Variants in MYH7 observed in about 807,000 individuals in gnomAD.
MYH7 encodes myosin-7.
A neutral mutation model predicts 225.4 loss-of-function variants in MYH7; 129 were observed. That is an observed-to-expected ratio of 0.57 (90% CI 0.50 to 0.66). MYH7 has a LOEUF of 0.66. Among genes scored for constraint, MYH7 ranks in the 30% least tolerant of loss-of-function variants. The probability of loss-of-function intolerance (pLI) is 0.00; values close to 1 mark genes in which losing one functional copy is unlikely to be tolerated. For synonymous variants in MYH7, 971 were observed against 1,007.6 expected (o/e 0.96, Z 0.69); for missense variants, 1,649 against 2,517.0 (o/e 0.66, Z 7.38).
At chr14:23,418,123 C>T (rs920569364) in intron 30 of MYH7, 87 bp downstream of exon 30, 3 of 1,589,984 alleles carry the variant, frequency 1.9e-6, no homozygotes, top group African/African-American at 1.3e-5. Context: ...CTAAGCATCG[C>T]CTGTGTGGGA....
chr14:23,422,189 C>T lies in MYH7; in HGVS notation c.3236G>A (p.Arg1079Gln), dbSNP rs727504342. The T allele has an allele frequency of 1.6e-5, 26 of 1,612,834 alleles. No homozygotes were observed. Among genetic ancestry groups the T allele is most frequent in the East Asian group, 2.2e-5 (1 of 44,876 alleles). ...LENDKQQLDERLKKKDFELNA... is the reference protein window; with the variant it reads ...LENDKQQLDEQLKKKDFELNA... ...GGAGGGGACACAGTACTTTTTCAGC[C>T]GCTCATCCAGCTGCTGCTTGTCATT... is the stretch of plus-strand genomic sequence containing the variant. Residue 1079 changes from arginine to glutamine, a missense_variant, in exon 25 of 40, where the codon CGG (arginine) becomes CAG (glutamine). Arg to Gln is a conservative substitution (Grantham distance 43). Around this residue, in one of 12 missense-constraint regions of MYH7, gnomAD observed 282 missense variants for 315.3 expected, o/e 0.89. Coordinates refer to ENST00000355349, the MANE Select transcript of MYH7 (RefSeq NM_000257.4).
intron 24 of MYH7, 127 bp downstream of exon 24, chr14:23,423,420 T>C (rs1595080987): frequency 7.7e-7 from 1 of 1,305,082 alleles, no homozygotes; most frequent in South Asian, 1.2e-5. Context: ...CCTACCCCCC[T>C]CTAAACATAA....
At chr14:23,421,679 C>T (rs1374881390) in intron 25 of MYH7, 14 of 894,236 alleles carry the variant, frequency 1.6e-5, no homozygotes, top group South Asian at 5.1e-5. Flanking sequence ...TTTACCAAGT[C>T]TGGAAAGTCT....
intron 22 of MYH7, 112 bp downstream of exon 22, chr14:23,424,657 A>C: frequency 6.4e-7 from 1 of 1,564,962 alleles, no homozygotes; most frequent in Non-Finnish European, 8.7e-7. Context: ...TTGATCCCAG[A>C]GTCCTCTGAC....
chr14:23,425,123 C>A lies in MYH7; in HGVS notation c.2424-99G>T, dbSNP rs1892643939. On this transcript the variant is annotated intron_variant, in intron 21 of 39. Transcript: ENST00000355349. This position sits in a 1 kb window ranked among gnomAD's most constrained non-coding sequence, Gnocchi z 4.6. ...ATCCCATTTCCTTCATCCCTCCCAC[C>A]CTTCCTGAGGCCTCTGACCCTGTGA... is the stretch of plus-strand genomic sequence containing the variant. The A allele has an allele frequency of 2.5e-6, 4 of 1,606,196 alleles. No homozygotes were observed. The highest frequency in any genetic ancestry group is 3.4e-6 in the Non-Finnish European group (4 of 1,174,604).
intron 11 of MYH7, 78 bp from the exon 12 acceptor site, chr14:23,429,991 G>T (rs1892862805): frequency 1.3e-6 from 2 of 1,554,256 alleles, no homozygotes; most frequent in African/African-American, 2.7e-5. Context: ...AAGTTGGAGA[G>T]AAAACTTGTC....
chr14:23,417,909 C>T, intron 30 of MYH7: 1 of 876,242 alleles, frequency 1.1e-6, no homozygotes. Flanking sequence ...GCGCTATGGA[C>T]ATTGAGGAGG....
rs2856911 is a variant in MYH7 at position 23,433,072 on chromosome 14, T to G, written c.345+12A>C. 6.2e-7 allele frequency: 1 copy of G among 1,613,934 alleles called. No homozygotes were observed. Among genetic ancestry groups the G allele is most frequent in the South Asian group, 1.1e-5 (1 of 91,062 alleles). ...ACAGAGATCCCAACGTAGGGCCAGGTGCAGCACTCACGTAGATCATCCAGG... is the reference window on the plus strand; with the variant it reads ...ACAGAGATCCCAACGTAGGGCCAGGGGCAGCACTCACGTAGATCATCCAGG... On this transcript the variant is annotated intron_variant, in intron 4 of 39. Transcript: ENST00000355349. This position sits in a 1 kb window ranked among gnomAD's most constrained non-coding sequence, Gnocchi z 4.1.
Position 23,419,589 on chromosome 14 carries a change from G to C in MYH7, c.3747C>G (p.Cys1249Trp). ...IKAKANLEKM[C>W]RTLEDQMNEH... is the part of the protein sequence containing the mutation. ...CATTCATCTGGTCTTCCAAGGTCCG[G>C]CACATCTTCTCCAGGTTAGCCTGAG... Residue 1249 changes from cysteine to tryptophan, a missense_variant, in exon 28 of 40, where the codon TGC becomes TGG. Cys to Trp is a radical substitution (Grantham distance 215). Around this residue, in one of 12 missense-constraint regions of MYH7, gnomAD observed 687 missense variants for 913.8 expected, o/e 0.75. Coordinates refer to ENST00000355349, the MANE Select transcript of MYH7 (RefSeq NM_000257.4). 1 of 1,613,920 alleles carries C rather than the reference G, an allele frequency of 6.2e-7. No individual in the cohort carries two copies. Among genetic ancestry groups the C allele is most frequent in the Non-Finnish European group, 8.5e-7 (1 of 1,179,984 alleles).
In MYH7 at chr14:23,418,289, C is replaced by T. The variant is rs764594122; in HGVS notation, c.4090G>A (p.Ala1364Thr). 11 of 1,613,560 alleles carry T rather than the reference C, an allele frequency of 6.8e-6. No individual in the cohort carries two copies. The East Asian group carries it at 2.5e-4, about 36-fold the overall frequency. Residue 1364 changes from alanine to threonine, a missense_variant, in exon 30 of 40, where the codon GCC becomes ACC. Transcript: ENST00000355349. ...CTCCACTGGGCCACCTCCGAGTTGG[C>T]CTTGGAAAGGACGCGCTGCAGCTCG... Reference protein sequence around the residue: ...KAELQRVLSKANSEVAQWRTK... With the variant: ...KAELQRVLSKTNSEVAQWRTK...
At chr14:23,414,879 G>T in intron 37 of MYH7, 116 bp downstream of exon 37, 3 of 1,547,568 alleles carry the variant, frequency 1.9e-6, no homozygotes. Flanking sequence ...TGAAACGGGG[G>T]CTGCATTCCC....
chr14:23,433,219 G>C lies in MYH7; in HGVS notation c.210C>G (p.Thr70=), dbSNP rs774429242. The C allele has an allele frequency of 6.2e-7, 1 of 1,614,134 alleles. No homozygotes were observed. The highest frequency in any genetic ancestry group is 1.3e-5 in the African/African-American group (1 of 75,018). The change falls in exon 4 of 40, where the codon ACC becomes ACG. Residue 70 remains threonine, a synonymous_variant. Coordinates refer to ENST00000355349, the MANE Select transcript of MYH7 (RefSeq NM_000257.4). This position sits in a 1 kb window ranked among gnomAD's most constrained non-coding sequence, Gnocchi z 4.1. ...TAETEYGKTV[T]VKEDQVMQQN... Reference sequence around the variant, plus strand: ...GCTGCATCACCTGGTCCTCCTTCACGGTCACTGTCTGCAAGAGCCCCCACC... The same window carrying C: ...GCTGCATCACCTGGTCCTCCTTCACCGTCACTGTCTGCAAGAGCCCCCACC...
rs375219617 is a variant in MYH7, at chr14:23,419,565, A to G, written c.3771T>C (p.Asn1257=). 1.1e-5 allele frequency: 17 copies of G among 1,613,472 alleles called. 1 individual carries two copies. The highest frequency in any genetic ancestry group is 9.4e-5 in the African/African-American group (7 of 74,690). ...KMCRTLEDQM[N]EHRSKAEETQ... ...TCTCCTCCGCCTTGCTCCGGTGCTCATTCATCTGGTCTTCCAAGGTCCGGC... is the reference window on the plus strand; with the variant it reads ...TCTCCTCCGCCTTGCTCCGGTGCTCGTTCATCTGGTCTTCCAAGGTCCGGC... Residue 1257 remains asparagine (N), a synonymous_variant, in exon 28 of 40, where the codon AAT becomes AAC. Transcript: ENST00000355349.
At chr14:23,429,976 C>G in intron 11 of MYH7, 63 bp from the exon 12 acceptor site, 1 of 1,597,418 alleles carries the variant, frequency 6.3e-7, no homozygotes, top group South Asian at 1.1e-5. Flanking sequence ...AGTGAGATCC[C>G]TTGTAAGTTG....
chr14:23,426,773 T>C lies in MYH7; in HGVS notation c.2044+4A>G, dbSNP rs780521910. The C allele has an allele frequency of 1.2e-6, 2 of 1,613,982 alleles. No homozygotes were observed. Among genetic ancestry groups the C allele is most frequent in the South Asian group, 2.2e-5 (2 of 91,072 alleles). The stretch of plus-strand genomic sequence containing the variant: ...AGTGGGTTGGCCTGAGTTTGTGGCC[T>C]CACCTGGAGACTTTGTCTCATTAGG... On this transcript the variant is annotated splice_donor_region_variant and intron_variant, in intron 18 of 39. Transcript: ENST00000355349.
chr14:23,431,349 G>A, intron 9 of MYH7, 69 bp downstream of exon 9: 1 of 1,457,830 alleles, frequency 6.9e-7, no homozygotes. Flanking sequence ...GAGAGAGAGA[G>A]AGGTCAAGAC....
rs544452304 is a variant in MYH7 at position 23,415,253 on chromosome 14, C to A, written c.5301G>T (p.Glu1767Asp). ...KAITDAAMMA[E>D]ELKKEQDTSA... ...TGGTGTCCTGCTCCTTCTTCAGCTC[C>A]TCTGCCATCATGGCGGCCTGTGTGC... Residue 1767 changes from glutamate (E) to aspartate (D), a missense_variant, in exon 37 of 40, where the codon GAG (glutamate) becomes GAT (aspartate). Transcript: ENST00000355349. This position sits in a 1 kb window ranked among gnomAD's most constrained non-coding sequence, Gnocchi z 6.3. The A allele has an allele frequency of 6.2e-7, 1 of 1,614,150 alleles. No individual in the cohort carries two copies. Among genetic ancestry groups the A allele is most frequent in the South Asian group, 1.1e-5 (1 of 91,094 alleles).
chr14:23,419,571 C>A lies in MYH7; in HGVS notation c.3765G>T (p.Gln1255His). The change falls in exon 28 of 40, where the codon CAG (glutamine) becomes CAT (histidine). Residue 1255 changes from glutamine to histidine, a missense_variant. Physicochemically the swap from Gln to His is conservative, Grantham distance 24. Around this residue, in one of 12 missense-constraint regions of MYH7, gnomAD observed 687 missense variants for 913.8 expected, o/e 0.75. Coordinates refer to ENST00000355349, the MANE Select transcript of MYH7 (RefSeq NM_000257.4). ...LEKMCRTLEDQMNEHRSKAEE... is the reference protein window; with the variant it reads ...LEKMCRTLEDHMNEHRSKAEE... ...CCGCCTTGCTCCGGTGCTCATTCAT[C>A]TGGTCTTCCAAGGTCCGGCACATCT... 1 of 1,613,764 alleles carries A rather than the reference C, an allele frequency of 6.2e-7. No homozygotes were observed. Among genetic ancestry groups the A allele is most frequent in the Non-Finnish European group, 8.5e-7 (1 of 1,180,006 alleles).
At position 23,433,704 on chromosome 14, in the gene MYH7, C is replaced by G. The variant is rs730880826; in HGVS notation, c.29G>C (p.Gly10Ala). 1.7e-5 allele frequency: 28 copies of G among 1,614,074 alleles called. No individual in the cohort carries two copies. The highest frequency in any genetic ancestry group is 2.1e-5 in the Non-Finnish European group (25 of 1,180,052). ...CTTGCGCAGGTAGGGGGCGGCAGCC[C>G]CAAAGACTGCCATCTCCGAATCTCC... MGDSEMAVF[G>A]AAAPYLRKSE... The change falls in exon 3 of 40, where the codon GGG becomes GCG. Residue 10 changes from glycine (G) to alanine (A), a missense_variant. Gly to Ala is a moderately conservative substitution (Grantham distance 60). Transcript: ENST00000355349. This position sits in a 1 kb window ranked among gnomAD's most constrained non-coding sequence, Gnocchi z 4.1.
Sources: gnomAD v4.1 joint callset for allele counts on GRCh38, gnomAD v4.1.1 for gene constraint, gnomAD v4.1.1 regional missense constraint, Gnocchi (gnomAD v3.1) non-coding constraint, MANE v1.5 for transcripts, NCBI Gene and HGNC (gene_info 2026-07-23, HGNC 2026-07-21) for gene names.